Variants in LAG3 observed in about 807,000 individuals in gnomAD.
The protein encoded by LAG3 is lymphocyte activation gene 3 protein.
LAG3 carries 29 observed loss-of-function variants against 49.0 expected under a neutral mutation model. The ratio of observed to expected loss-of-function variants is 0.59; its 90% CI spans 0.44 to 0.81. The LOEUF (loss-of-function observed/expected upper bound fraction) is 0.81, where lower values mean the gene tolerates loss of function less well. Among genes scored for constraint, LAG3 ranks in the 30% least tolerant of loss-of-function variants. The pLI, the probability that LAG3 is intolerant of heterozygous loss-of-function variation, is 0.00. For synonymous variants in LAG3, 320 were observed against 297.3 expected, an observed-to-expected ratio of 1.08 and a Z score of -0.79; for missense variants, 693 against 695.2, an observed-to-expected ratio of 1.00 and a Z score of 0.04.
Position 6,774,626 on chromosome 12 carries a change from C to T in LAG3, c.543C>T (p.Ala181=), listed in dbSNP as rs1357406302. ...MTASPPGSLR[A]SDWVILNCSF... is the part of the protein sequence containing the mutation. ...CCAGCCCCCCAGGATCTCTCAGAGC[C>T]TCCGACTGGGTCATTTTGAACTGCT... Residue 181 remains alanine, a synonymous_variant, in exon 4 of 8, where the codon GCC becomes GCT. Transcript: ENST00000203629. The T allele has an allele frequency of 1.2e-6, 2 of 1,613,988 alleles. No homozygotes were observed. The highest frequency in any genetic ancestry group is 1.3e-5 in the African/African-American group (1 of 74,914).
At position 6,773,910 on chromosome 12, in the gene LAG3, G is replaced by A. The variant is rs1941873193; in HGVS notation, c.420G>A (p.Arg140=). The change falls in exon 3 of 8, where the codon CGG becomes CGA. Residue 140 remains arginine, a synonymous_variant. Coordinates refer to ENST00000203629, the MANE Select transcript of LAG3 (RefSeq NM_002286.6). This position sits in a 1 kb window ranked among gnomAD's most constrained non-coding sequence, Gnocchi z 5.5. ...TCTCGCTATGGCTGCGCCCAGCCCG[G>A]CGCGCGGACGCCGGCGAGTACCGCG... The part of the protein sequence containing the change: ...GDFSLWLRPA[R]RADAGEYRAA... 2 of 1,381,462 alleles carry A rather than the reference G, an allele frequency of 1.4e-6. No homozygotes were observed. Among genetic ancestry groups the A allele is most frequent in the South Asian group, 1.6e-5 (1 of 61,400 alleles). The allele number at this position is 1,381,462 out of a possible 1,614,324, so 85.6% of individuals were successfully genotyped here.
intron 3 of LAG3, 78 bp from the exon 4 acceptor site, chr12:6,774,503 TGCCTGTTTCCAGGA>T: frequency 7.1e-7 from 1 of 1,409,134 alleles, no homozygotes; most frequent in Admixed American, 2.1e-5. Flanking sequence ...TAAAGCCAGG[TGCCTGTTTCCAGGA>T]GCTTCCGGCT....
chr12:6,774,974 G>A (rs576288887), intron 4 of LAG3, 110 bp downstream of exon 4: 103 of 1,099,566 alleles, frequency 9.4e-5, no homozygotes, highest in East Asian at 5.4e-4. Flanking sequence ...AGTGGCCTAC[G>A]TCATTGCTGT....
At chr12:6,775,844 A>C in intron 5 of LAG3, 2 of 378,418 alleles carry the variant, frequency 5.3e-6, no homozygotes, top group Non-Finnish European at 9.7e-6. Context: ...AAAATTCTGA[A>C]TGGTTCGAAA....
In LAG3 at chr12:6,778,242, A is replaced by T; in HGVS notation, c.1432-2A>T. On this transcript the variant is annotated splice_acceptor_variant, in intron 7 of 7. Coordinates refer to ENST00000203629, the MANE Select transcript of LAG3 (RefSeq NM_002286.6). LOFTEE classifies it high-confidence loss of function. ...CGTCTCTCTCTCCATCTCTTCTCAC[A>T]GTGGCGACCAAGACGATTTTCTGCC... 6.3e-7 allele frequency: 1 copy of T among 1,579,528 alleles called. No individual in the cohort carries two copies. The highest frequency in any genetic ancestry group is 8.6e-7 in the Non-Finnish European group (1 of 1,162,654).
At position 6,775,448 on chromosome 12, in the gene LAG3, A is replaced by T; in HGVS notation, c.957A>T (p.Arg319=). ...VTGDNGDFTL[R]LEDVSQAQAG... is the part of the protein sequence containing the mutation. ...GAGACAATGGCGACTTTACCCTTCG[A>T]CTAGAGGATGTGAGCCAGGCCCAGG... is the stretch of plus-strand genomic sequence containing the variant. Residue 319 remains arginine (R), a synonymous_variant, in exon 5 of 8, where the codon CGA becomes CGT. Coordinates refer to ENST00000203629, the MANE Select transcript of LAG3 (RefSeq NM_002286.6). The T allele has an allele frequency of 6.2e-7, 1 of 1,614,024 alleles. No homozygotes were observed. Among genetic ancestry groups the T allele is most frequent in the South Asian group, 1.1e-5 (1 of 91,068 alleles).
chr12:6,778,023 C>T (rs762100526), intron 7 of LAG3, 102 bp downstream of exon 7: 1 of 1,540,574 alleles, frequency 6.5e-7, no homozygotes, highest in Middle Eastern at 2.1e-4. Context: ...CAAATGGGAC[C>T]CTGAACTTGC....
rs777042996 is a variant in LAG3, at chr12:6,775,353, G to A, written c.862G>A (p.Val288Met). The change falls in exon 5 of 8, where the codon GTG (valine) becomes ATG (methionine). Residue 288 changes from valine to methionine, a missense_variant. Val to Met is a conservative substitution (Grantham distance 21). Coordinates refer to ENST00000203629, the MANE Select transcript of LAG3 (RefSeq NM_002286.6). ...GCTGCCCTGCCGCCTGCCTGCTGGT[G>A]TGGGGACCCGGTCTTTCCTCACTGC... is the stretch of plus-strand genomic sequence containing the variant. Reference protein sequence around the residue: ...VGLPCRLPAGVGTRSFLTAKW... With the variant: ...VGLPCRLPAGMGTRSFLTAKW... 4 of 1,614,246 alleles carry A rather than the reference G, an allele frequency of 2.5e-6. No individual in the cohort carries two copies. The highest frequency in any genetic ancestry group is 3.4e-6 in the Non-Finnish European group (4 of 1,180,050).
At position 6,775,474 on chromosome 12, in the gene LAG3, C is replaced by A; in HGVS notation, c.983C>A (p.Ala328Asp). 1 of 1,614,200 alleles carries A rather than the reference C, an allele frequency of 6.2e-7. No individual in the cohort carries two copies. The highest frequency in any genetic ancestry group is 1.1e-5 in the South Asian group (1 of 91,088). Residue 328 changes from alanine (A) to aspartate (D), a missense_variant, in exon 5 of 8, where the codon GCT (alanine) becomes GAT (aspartate). Physicochemically the swap from Ala to Asp is moderately radical, Grantham distance 126 (BLOSUM62 -2). Transcript: ENST00000203629. Reference sequence around the variant, plus strand: ...CTAGAGGATGTGAGCCAGGCCCAGGCTGGGACCTACACCTGCCATATCCAT... The same window carrying A: ...CTAGAGGATGTGAGCCAGGCCCAGGATGGGACCTACACCTGCCATATCCAT... ...LRLEDVSQAQ[A>D]GTYTCHIHLQ...
chr12:6,774,998 C>G, intron 4 of LAG3, 134 bp downstream of exon 4: 2 of 952,272 alleles, frequency 2.1e-6, no homozygotes, highest in South Asian at 1.6e-5. Flanking sequence ...TCTCACTGTT[C>G]GACCCCTTTA....
Position 6,772,791 on chromosome 12 carries a change from TG to T in LAG3, c.-61del. On this transcript the variant is annotated 5_prime_UTR_variant, in exon 1 of 8. Coordinates refer to ENST00000203629, the MANE Select transcript of LAG3 (RefSeq NM_002286.6). Reference sequence around the variant, plus strand: ...TCCTTTACCCCCCACCCCCCACCACTGCCCCCTTTCCTTTTCTGACCTCCTT... The same window carrying T: ...TCCTTTACCCCCCACCCCCCACCACTCCCCCTTTCCTTTTCTGACCTCCTT... 2.4e-6 allele frequency: 1 copy of T among 411,864 alleles called. No homozygotes were observed. The highest frequency in any genetic ancestry group is 4.1e-6 in the Non-Finnish European group (1 of 242,216). The allele number at this position is 411,864 out of a possible 1,614,324, so 25.5% of individuals were successfully genotyped here.
intron 4 of LAG3, 112 bp downstream of exon 4, chr12:6,774,976 C>A: frequency 9.2e-7 from 1 of 1,090,428 alleles, no homozygotes; most frequent in Non-Finnish European, 1.3e-6. Context: ...TGGCCTACGT[C>A]ATTGCTGTGG....
chr12:6,775,694 C>T (rs1403950822), intron 5 of LAG3, 146 bp downstream of exon 5: 3 of 694,832 alleles, frequency 4.3e-6, no homozygotes, highest in African/African-American at 1.8e-5. Context: ...TCTCGGCCCC[C>T]ACTTTTCTCA....
At chr12:6,775,787 G>A (rs760654162) in intron 5 of LAG3, 158 of 526,136 alleles carry the variant, frequency 3.0e-4, no homozygotes, top group Admixed American at 7.9e-4. Flanking sequence ...GGACTCCCCT[G>A]CTCTCAATTG....
chr12:6,773,889 G>T lies in LAG3; in HGVS notation c.399G>T (p.Ser133=). The T allele has an allele frequency of 1.4e-6, 2 of 1,394,958 alleles. No individual in the cohort carries two copies. Among genetic ancestry groups the T allele is most frequent in the Non-Finnish European group, 1.8e-6 (2 of 1,082,416 alleles). 86.4% of individuals were successfully genotyped at this position (1,394,958 alleles called of 1,614,324 possible). ...GCGGCCGGCAGCGCGGGGACTTCTC[G>T]CTATGGCTGCGCCCAGCCCGGCGCG... ...DERGRQRGDF[S]LWLRPARRAD... is the part of the protein sequence containing the mutation. Residue 133 remains serine (S), a synonymous_variant, in exon 3 of 8, where the codon TCG becomes TCT. Transcript: ENST00000203629. The surrounding 1 kb of genome is among the most constrained non-coding windows in gnomAD (Gnocchi z 5.5).
At position 6,775,211 on chromosome 12, in the gene LAG3, C is replaced by T. The variant is rs568028613; in HGVS notation, c.782-62C>T. On this transcript the variant is annotated intron_variant, in intron 4 of 7. Transcript: ENST00000203629. Reference sequence around the variant, plus strand: ...ATTCTTCTGCCTCCCTTCCTTGCAGCCCCAGCACTCCCTCCCCACTGCAGC... The same window carrying T: ...ATTCTTCTGCCTCCCTTCCTTGCAGTCCCAGCACTCCCTCCCCACTGCAGC... The T allele has an allele frequency of 3.3e-6, 5 of 1,536,756 alleles. No individual in the cohort carries two copies. In the East Asian group the frequency reaches 1.1e-4, roughly 35 times the overall value.
rs1423998051 is a variant in LAG3, at chr12:6,774,801, G to A, written c.718G>A (p.Gly240Ser). 4 of 1,613,942 alleles carry A rather than the reference G, an allele frequency of 2.5e-6. No individual in the cohort carries two copies. Among genetic ancestry groups the A allele is most frequent in the Non-Finnish European group, 1.7e-6 (2 of 1,180,018 alleles). Residue 240 changes from glycine (G) to serine (S), a missense_variant, in exon 4 of 8, where the codon GGC (glycine) becomes AGC (serine). Transcript: ENST00000203629. The stretch of plus-strand genomic sequence containing the variant: ...CAGCCCCATGGACTCTGGGCCCTGG[G>A]GCTGCATCCTCACCTACAGAGATGG... ...QVSPMDSGPWGCILTYRDGFN... is the reference protein window; with the variant it reads ...QVSPMDSGPWSCILTYRDGFN...
At chr12:6,775,742 T>G (rs1396818311) in intron 5 of LAG3, 194 bp downstream of exon 5, 8 of 600,000 alleles carry the variant, frequency 1.3e-5, no homozygotes, top group Non-Finnish European at 2.1e-5. Context: ...AATCTCCTCT[T>G]GAGTCACAAG....
rs775919728 is a variant in LAG3 at position 6,777,921 on chromosome 12, G to A, written c.1431G>A (p.Gln477=). 2 of 1,613,090 alleles carry A rather than the reference G, an allele frequency of 1.2e-6. No individual in the cohort carries two copies. Residue 477 remains glutamine (Q), a splice_region_variant and synonymous_variant, in exon 7 of 8, where the codon CAG becomes CAA. Coordinates refer to ENST00000203629, the MANE Select transcript of LAG3 (RefSeq NM_002286.6). ...GAFGFHLWRR[Q]WRPRRFSALE... ...TTGGCTTTCACCTTTGGAGAAGACA[G>A]GTGAGCCAGGGACATGGCAACCCCG...
Sources: gnomAD v4.1 joint callset for allele counts on GRCh38, gnomAD v4.1.1 for gene constraint, Gnocchi (gnomAD v3.1) non-coding constraint, MANE v1.5 for transcripts, NCBI Gene and HGNC (gene_info 2026-07-23, HGNC 2026-07-21) for gene names.